Variants in ASIC2 observed in about 807,000 individuals in gnomAD.
ASIC2 encodes acid-sensing ion channel 2.
In ASIC2, 25 loss-of-function variants were observed where a neutral mutation model predicts 57.3. The ratio of observed to expected loss-of-function variants is 0.44; its 90% confidence interval spans 0.32 to 0.61. The LOEUF (loss-of-function observed/expected upper bound fraction) is 0.61. Ranked by LOEUF, ASIC2 falls within the 20% of genes least tolerant of loss-of-function variation. The probability of loss-of-function intolerance (pLI) is 0.06; values close to 1 mark genes in which losing one functional copy is unlikely to be tolerated. For synonymous variants in ASIC2, 319 were observed against 307.5 expected (o/e 1.04, Z -0.39); for missense variants, 641 against 738.1 (o/e 0.87, Z 1.52).
At chr17:33,080,842 TG>T (rs991168260) in intron 3 of ASIC2, among the ~76,000 whole-genome samples, 17 of 152,062 alleles carry the variant, frequency 1.1e-4, no homozygotes, top group African/African-American at 3.6e-4. Flanking sequence ...ACGTCCTGGG[TG>T]GGATGAAGTG....
intron 1 of ASIC2, among the ~76,000 whole-genome samples, chr17:33,972,661 G>A (rs906041127): frequency 2.0e-5 from 3 of 152,208 alleles, no homozygotes; most frequent in Non-Finnish European, 2.9e-5. Context: ...TTAGTTGTCT[G>A]TGATCACACA....
rs148540021 is a variant in ASIC2, at chr17:33,561,295, T to G, written c.556-449228A>C. 2.9e-3 allele frequency among the ~76,000 whole-genome samples: 439 copies of G among 152,326 alleles called. 4 individuals carry two copies. The highest frequency in any genetic ancestry group is 0.01 in the African/African-American group (420 of 41,578). ...CCGGAAGGCACAGGTATAACATCCA[T>G]GCCTGTGTGCTTGGCTTGACATGCT... On this transcript the variant is annotated intron_variant, in intron 1 of 9. Coordinates refer to the ASIC2 transcript ENST00000359872.
At chr17:33,853,520 C>T (rs930684237) in intron 1 of ASIC2, among the ~76,000 whole-genome samples, 6 of 152,138 alleles carry the variant, frequency 3.9e-5, no homozygotes, top group African/African-American at 1.4e-4. Context: ...CGTCTCTAAG[C>T]GACAACTCCA....
intron 1 of ASIC2, among the ~76,000 whole-genome samples, chr17:33,945,866 T>A (rs1206616455): frequency 6.6e-6 from 1 of 152,188 alleles, no homozygotes; most frequent in Non-Finnish European, 1.5e-5. Context: ...ATAAGTGGAA[T>A]TCATGCCCCA....
chr17:33,554,988 A>G (rs1031329298), intron 1 of ASIC2, among the ~76,000 whole-genome samples: 1 of 152,160 alleles, frequency 6.6e-6, no homozygotes, highest in African/African-American at 2.4e-5. Context: ...ATGACTCTGC[A>G]AGATACCCAT....
intron 1 of ASIC2, among the ~76,000 whole-genome samples, chr17:33,224,512 G>C (rs938200127): frequency 3.9e-5 from 6 of 152,142 alleles, no homozygotes; most frequent in African/African-American, 1.2e-4. Context: ...AAAATATAGA[G>C]AGCAAGAATA....
At chr17:34,066,214 G>A (rs1442941332) in intron 1 of ASIC2, among the ~76,000 whole-genome samples, 1 of 152,202 alleles carries the variant, frequency 6.6e-6, no homozygotes, top group African/African-American at 2.4e-5. Context: ...GACTGAAGAA[G>A]TTCACAAACC....
chr17:33,713,582 C>T (rs1909121994), intron 1 of ASIC2, among the ~76,000 whole-genome samples: 2 of 152,228 alleles, frequency 1.3e-5, no homozygotes, highest in African/African-American at 4.8e-5. Context: ...GAATTCAGGA[C>T]CCACTCTAAT....
chr17:33,782,392 T>A (rs1911480946), intron 1 of ASIC2, among the ~76,000 whole-genome samples: 1 of 151,714 alleles, frequency 6.6e-6, no homozygotes, highest in Admixed American at 6.6e-5. Flanking sequence ...TCAATTTCCA[T>A]TTGTTAAAAA....
intron 1 of ASIC2, chr17:33,579,968 A>C (rs528597381): frequency 2.6e-5 from 4 of 152,258 alleles, no homozygotes; most frequent in African/African-American, 9.6e-5. Flanking sequence ...GTTTTTACAG[A>C]GTGCTGATTG....
In ASIC2 at chr17:33,941,898, G is replaced by A. The variant is rs1916199435; in HGVS notation, c.555+214080C>T. On this transcript the variant is annotated intron_variant, in intron 1 of 9. Transcript: ENST00000359872. ...ACTTTAAGCCAGAGAAAGGCTGTTT[G>A]GCTGCTGTTACTACCACCCCGGGGC... Among the ~76,000 whole-genome samples, 3 of 152,178 alleles carry A rather than the reference G, an allele frequency of 2.0e-5. No individual in the cohort carries two copies. The South Asian group carries it at 6.2e-4, about 32-fold the overall frequency.
At chr17:33,833,645 G>A (rs951088305) in intron 1 of ASIC2, among the ~76,000 whole-genome samples, 3 of 152,156 alleles carry the variant, frequency 2.0e-5, no homozygotes, top group African/African-American at 7.2e-5. Flanking sequence ...GAAGCAGCAT[G>A]ATGAAAAGTG....
intron 1 of ASIC2, among the ~76,000 whole-genome samples, chr17:33,901,890 A>G (rs1915239387): frequency 6.6e-6 from 1 of 152,186 alleles, no homozygotes. Context: ...ATTTAATGAC[A>G]ATGATATTGC....
intron 1 of ASIC2, among the ~76,000 whole-genome samples, chr17:33,126,245 AGT>A (rs1277098700): frequency 9.2e-5 from 14 of 152,196 alleles, no homozygotes; most frequent in African/African-American, 3.4e-4. Context: ...GATGGATCCA[AGT>A]GTGAAGCCCA....
intron 1 of ASIC2, among the ~76,000 whole-genome samples, chr17:34,124,066 A>T (rs1911703551): frequency 6.6e-6 from 1 of 152,274 alleles, no homozygotes. Flanking sequence ...GGGTGACAGA[A>T]GTGAAACCCT....
At position 33,334,061 on chromosome 17, in the gene ASIC2, A is replaced by G. The variant is rs376020385; in HGVS notation, c.556-221994T>C. ...GGACAAGGAAGCTGCTCAGTTGCTC[A>G]AAGTCTAAAATTAGGTGTCCCAGAA... On this transcript the variant is annotated intron_variant, in intron 1 of 9. Coordinates refer to the ASIC2 transcript ENST00000359872. Among the ~76,000 whole-genome samples the G allele has an allele frequency of 2.1e-3, 326 of 152,334 alleles. 11 individuals carry two copies. The South Asian group carries it at 0.064, about 30-fold the overall frequency.
At position 33,383,197 on chromosome 17, in the gene ASIC2, C is replaced by G. The variant is rs568051420; in HGVS notation, c.556-271130G>C. ...TGGGTCCCATAGCAATTTGAGTACC[C>G]CTCTCTTAGAGCACTTATTACGTGG... On this transcript the variant is annotated intron_variant, in intron 1 of 9. Transcript: ENST00000359872. 9.0e-4 allele frequency among the ~76,000 whole-genome samples: 137 copies of G among 152,180 alleles called. 1 individual carries two copies. The highest frequency in any genetic ancestry group is 8.6e-3 in the Admixed American group (132 of 15,280).
intron 1 of ASIC2, among the ~76,000 whole-genome samples, chr17:33,395,678 G>T (rs777055570): frequency 1.3e-5 from 2 of 152,158 alleles, no homozygotes; most frequent in African/African-American, 4.8e-5. Flanking sequence ...CCTATTATAC[G>T]TAGACACCTT....
intron 1 of ASIC2, among the ~76,000 whole-genome samples, chr17:34,129,300 A>G (rs1426607879): frequency 1.3e-5 from 2 of 152,196 alleles, no homozygotes; most frequent in Non-Finnish European, 2.9e-5. Flanking sequence ...CCAGCATCCA[A>G]GCCCCACTCT....
Sources: gnomAD v4.1 joint callset for allele counts (sites outside exome capture counted in the v4.1 genomes callset) on GRCh38, gnomAD v4.1.1 for gene constraint, MANE v1.5 for transcripts, NCBI Gene and HGNC (gene_info 2026-07-23, HGNC 2026-07-21) for gene names.